PPTC7: variants seen among roughly 807,000 people sequenced by gnomAD.
PPTC7 encodes protein phosphatase PTC7 homolog.
A neutral mutation model predicts 30.8 loss-of-function variants in PPTC7; 6 were observed. That is an observed-to-expected ratio of 0.19 (90% CI 0.11 to 0.38). PPTC7 has a LOEUF of 0.38. Ranked by LOEUF, PPTC7 falls within the 10% of genes least tolerant of loss-of-function variation. PPTC7 has a pLI of 1.00. For synonymous variants in PPTC7, 163 were observed against 168.1 expected, an observed-to-expected ratio of 0.97 and a Z score of 0.23; for missense variants, 218 against 404.8, an observed-to-expected ratio of 0.54 and a Z score of 3.96.
At chr12:110,561,153 C>A (rs1039191404) in intron 1 of PPTC7, among the ~76,000 whole-genome samples, 6 of 152,150 alleles carry the variant, frequency 3.9e-5, no homozygotes, top group African/African-American at 7.2e-5. Flanking sequence ...TTTTCAGATG[C>A]TGAGGCTTTT....
At chr12:110,569,103 T>A (rs1593163177) in intron 1 of PPTC7, among the ~76,000 whole-genome samples, 1 of 134,708 alleles carries the variant, frequency 7.4e-6, no homozygotes. Context: ...GTGGCCAAGG[T>A]GGACAGATCA....
intron 3 of PPTC7, among the ~76,000 whole-genome samples, chr12:110,541,967 G>A (rs1257937409): frequency 6.6e-6 from 1 of 151,766 alleles, no homozygotes; most frequent in Admixed American, 6.6e-5. Context: ...CCATCATGGT[G>A]AAACCCCATC....
At position 110,583,113 on chromosome 12, in the gene PPTC7, C is replaced by G. The variant is rs1245247692; in HGVS notation, c.-82G>C. ...GCCCGGAGCCGGCTCTCTCCTCAGC[C>G]GCAGTCGCGCCGCCGCTGGGGCGCT... is the stretch of plus-strand genomic sequence containing the variant. On this transcript the variant is annotated 5_prime_UTR_variant, in exon 1 of 6. Coordinates refer to ENST00000354300, the MANE Select transcript of PPTC7 (RefSeq NM_139283.2). 7.4e-5 allele frequency: 84 copies of G among 1,138,552 alleles called. No homozygotes were observed. The highest frequency in any genetic ancestry group is 8.7e-5 in the Non-Finnish European group (78 of 891,982). The allele number at this position is 1,138,552 out of a possible 1,614,324, so 70.5% of individuals were successfully genotyped here.
chr12:110,540,807 G>A (rs1448147756), intron 3 of PPTC7, among the ~76,000 whole-genome samples: 3 of 149,662 alleles, frequency 2.0e-5, no homozygotes, highest in Admixed American at 6.7e-5. Context: ...ACAGAGTCTC[G>A]CTCTGTCGCC....
At chr12:110,574,942 C>CTTTTTTT in intron 1 of PPTC7, among the ~76,000 whole-genome samples, 1 of 128,940 alleles carries the variant, frequency 7.8e-6, no homozygotes, top group African/African-American at 2.9e-5. Context: ...CCATGCCCGG[C>CTTTTTTT]TTTTTTTTTT....
chr12:110,580,624 G>C (rs1469445722), intron 1 of PPTC7, among the ~76,000 whole-genome samples: 1 of 152,198 alleles, frequency 6.6e-6, no homozygotes, highest in Non-Finnish European at 1.5e-5. Context: ...ACAGGCGTGA[G>C]CCACCACGCC....
intron 1 of PPTC7, among the ~76,000 whole-genome samples, chr12:110,577,619 C>T (rs1327335059): frequency 1.3e-5 from 2 of 152,166 alleles, no homozygotes; most frequent in Non-Finnish European, 2.9e-5. Flanking sequence ...TTAAGACTGA[C>T]ATTACTCACA....
At position 110,536,909 on chromosome 12, in the gene PPTC7, A is replaced by G; in HGVS notation, c.*128T>C. 1.4e-6 allele frequency: 1 copy of G among 692,136 alleles called. No individual in the cohort carries two copies. Among genetic ancestry groups the G allele is most frequent in the Non-Finnish European group, 2.6e-6 (1 of 386,650 alleles). The allele number at this position is 692,136 out of a possible 1,614,324, so 42.9% of individuals were successfully genotyped here. ...AGATCTCAACGAGTCTCAAGAAGAC[A>G]GGCAAAAGACTTACATCACTGGCCA... On this transcript the variant is annotated 3_prime_UTR_variant, in exon 6 of 6. Coordinates refer to ENST00000354300, the MANE Select transcript of PPTC7 (RefSeq NM_139283.2).
intron 1 of PPTC7, among the ~76,000 whole-genome samples, chr12:110,565,366 C>T (rs533522308): frequency 1.6e-4 from 24 of 152,160 alleles, no homozygotes; most frequent in African/African-American, 5.8e-4. Context: ...AAGCGATTCT[C>T]TGCCTCAGCC....
At chr12:110,562,848 G>A (rs1373037269) in intron 1 of PPTC7, among the ~76,000 whole-genome samples, 2 of 150,664 alleles carry the variant, frequency 1.3e-5, no homozygotes, top group African/African-American at 2.4e-5. Context: ...CTGGCCAGTC[G>A]CGGTGGCTCA....
chr12:110,565,229 T>C (rs1005483335), intron 1 of PPTC7, among the ~76,000 whole-genome samples: 3 of 151,552 alleles, frequency 2.0e-5, no homozygotes, highest in Admixed American at 6.6e-5. Flanking sequence ...GGACAATGAG[T>C]ACTTTTTTTT....
intron 1 of PPTC7, 112 bp downstream of exon 1, chr12:110,582,697 T>C (rs2064648700): frequency 6.6e-6 from 6 of 915,216 alleles, no homozygotes; most frequent in African/African-American, 1.7e-5. Context: ...GCTCCCTCCA[T>C]GTGAGCGCTC....
Position 110,534,187 on chromosome 12 carries a change from T to C in PPTC7, c.*2850A>G, listed in dbSNP as rs1348400205. On this transcript the variant is annotated 3_prime_UTR_variant, in exon 6 of 6. Coordinates refer to ENST00000354300, the MANE Select transcript of PPTC7 (RefSeq NM_139283.2). ...GGAAGAAATAAGGTTCTGATATGTT[T>C]AGAGTGCACATTTTAAAACAACAAA... 3 of 152,130 alleles carry C rather than the reference T, an allele frequency of 2.0e-5. No individual in the cohort carries two copies. The highest frequency in any genetic ancestry group is 7.2e-5 in the African/African-American group (3 of 41,412). The allele number at this position is 152,130 out of a possible 1,614,324, so 9.4% of individuals were successfully genotyped here.
At chr12:110,572,162 T>C (rs182594486) in intron 1 of PPTC7, among the ~76,000 whole-genome samples, 24 of 152,300 alleles carry the variant, frequency 1.6e-4, no homozygotes, top group African/African-American at 5.8e-4. Context: ...ACAACGTGGC[T>C]AGGTGCAGTG....
chr12:110,547,915 G>A (rs1174217169), intron 2 of PPTC7, among the ~76,000 whole-genome samples: 1 of 152,120 alleles, frequency 6.6e-6, no homozygotes, highest in Non-Finnish European at 1.5e-5. Flanking sequence ...GACTAAGCCT[G>A]GCCAACATGG....
chr12:110,550,068 G>A (rs930279651), intron 2 of PPTC7, among the ~76,000 whole-genome samples: 5 of 152,086 alleles, frequency 3.3e-5, no homozygotes, highest in African/African-American at 1.2e-4. Flanking sequence ...TGCAAGACAA[G>A]ATCCCTTTTC....
At chr12:110,578,879 C>T (rs915517203) in intron 1 of PPTC7, among the ~76,000 whole-genome samples, 2 of 152,222 alleles carry the variant, frequency 1.3e-5, no homozygotes, top group Non-Finnish European at 2.9e-5. Flanking sequence ...GACACTGTGG[C>T]TCACACCTGT....
chr12:110,568,126 A>G (rs139570523), intron 1 of PPTC7, among the ~76,000 whole-genome samples: 2 of 152,152 alleles, frequency 1.3e-5, no homozygotes, highest in East Asian at 3.9e-4. Context: ...AAACAGCTGT[A>G]GTTTTGGGGA....
At chr12:110,547,618 A>C (rs557158915) in intron 2 of PPTC7, among the ~76,000 whole-genome samples, 1 of 152,328 alleles carries the variant, frequency 6.6e-6, no homozygotes, top group South Asian at 2.1e-4. Context: ...CACCAAAAAG[A>C]GTAAAGTTTA....
Sources: allele counts gnomAD v4.1 joint callset (sites outside exome capture counted in the v4.1 genomes callset), GRCh38; gene constraint gnomAD v4.1.1; transcripts MANE v1.5; gene names NCBI Gene and HGNC (gene_info 2026-07-23, HGNC 2026-07-21).